The following AFG1L variants were observed in gnomAD, a reference collection of about 807,000 sequenced individuals.
AFG1L encodes AFG1 like ATPase, also known as AFG1-like ATPase.
Under a neutral mutation model 62.2 loss-of-function variants are expected in AFG1L, and 53 were observed. That is an observed-to-expected ratio of 0.85 (90% CI 0.68 to 1.07). AFG1L has a LOEUF of 1.07. AFG1L is among the 50% of genes least tolerant of loss of function. The pLI is 0.00. For synonymous variants in AFG1L, 228 were observed against 210.3 expected (o/e 1.08, Z -0.73); for missense variants, 555 against 590.5 (o/e 0.94, Z 0.62).
rs192521122 is a variant in AFG1L, at chr6:108,369,535, G to A, written c.748+3203G>A. Reference sequence around the variant, plus strand: ...GCTCAAAGTACTGTATTAAAAAAAGGTGGGAGGGGGAGAAGAAAATAAAGA... The same window carrying A: ...GCTCAAAGTACTGTATTAAAAAAAGATGGGAGGGGGAGAAGAAAATAAAGA... On this transcript the variant is annotated intron_variant, in intron 6 of 12. Coordinates refer to ENST00000368977, the MANE Select transcript of AFG1L (RefSeq NM_145315.5). 2.3e-3 allele frequency among the ~76,000 whole-genome samples: 346 copies of A among 152,230 alleles called. 3 individuals are homozygous for A. Among genetic ancestry groups the A allele is most frequent in the Non-Finnish European group, 3.9e-3 (263 of 68,016 alleles).
At chr6:108,485,642 ATATATATATATATATTTTTTTTTT>A (rs1773521720) in intron 10 of AFG1L, among the ~76,000 whole-genome samples, 1 of 17,796 alleles carries the variant, frequency 5.6e-5, no homozygotes, top group East Asian at 1.2e-3. Context: ...ATATATATAT[ATATATATATATATATTTTTTTTTT>A]TTTTTTTTTT....
chr6:108,358,172 T>G (rs1179947585), intron 5 of AFG1L, among the ~76,000 whole-genome samples: 2 of 152,238 alleles, frequency 1.3e-5, no homozygotes, highest in Non-Finnish European at 2.9e-5. Flanking sequence ...TATGCTGCTT[T>G]CAAGAACAAA....
intron 7 of AFG1L, among the ~76,000 whole-genome samples, chr6:108,435,448 G>A (rs1473001994): frequency 6.6e-6 from 1 of 152,204 alleles, no homozygotes; most frequent in African/African-American, 2.4e-5. Context: ...CACTTTGGGA[G>A]GCTGAAATGG....
At position 108,447,331 on chromosome 6, in the gene AFG1L, A is replaced by G. The variant is rs1437133426; in HGVS notation, c.890+35A>G. ...TCTAATTTTTAAAGTTTAATGTCTA[A>G]TCGTTAATCAGAAAAAGAACATAAA... On this transcript the variant is annotated intron_variant, in intron 8 of 12. Transcript: ENST00000368977. 21 of 1,176,238 alleles carry G rather than the reference A, an allele frequency of 1.8e-5. No homozygotes were observed. In the Admixed American group the frequency reaches 3.6e-4, roughly 20 times the overall value. 72.9% of individuals were successfully genotyped at this position (1,176,238 alleles called of 1,614,324 possible).
intron 6 of AFG1L, chr6:108,392,061 A>G (rs1182485560): frequency 6.6e-6 from 1 of 152,242 alleles, no homozygotes. Context: ...TAAGTATAAG[A>G]AAATGATTGC....
chr6:108,409,465 G>A (rs1782009317), intron 7 of AFG1L, among the ~76,000 whole-genome samples: 2 of 152,182 alleles, frequency 1.3e-5, no homozygotes, highest in Admixed American at 6.6e-5. Context: ...AGGAGCGGGG[G>A]GAGAGGCAGA....
chr6:108,513,736 G>A (rs1774761393), intron 11 of AFG1L, among the ~76,000 whole-genome samples: 2 of 152,208 alleles, frequency 1.3e-5, no homozygotes, highest in African/African-American at 4.8e-5. Context: ...AGACCTAAAT[G>A]TTCCTGTCTA....
intron 10 of AFG1L, among the ~76,000 whole-genome samples, chr6:108,477,699 T>C (rs1490010858): frequency 1.3e-5 from 2 of 152,206 alleles, no homozygotes; most frequent in African/African-American, 2.4e-5. Context: ...CTTGTACTGA[T>C]TGCCCATCTG....
At chr6:108,386,196 T>A (rs1384745622) in intron 6 of AFG1L, among the ~76,000 whole-genome samples, 5 of 152,150 alleles carry the variant, frequency 3.3e-5, no homozygotes, top group African/African-American at 9.7e-5. Context: ...GCATGGTGGC[T>A]TATGCCTGTA....
intron 6 of AFG1L, among the ~76,000 whole-genome samples, chr6:108,401,009 C>T (rs2114628610): frequency 6.6e-6 from 1 of 150,708 alleles, no homozygotes; most frequent in African/African-American, 2.4e-5. Flanking sequence ...TGCTCTGTCA[C>T]CCAGGCTGAA....
intron 1 of AFG1L, among the ~76,000 whole-genome samples, chr6:108,317,787 A>C (rs1274636777): frequency 6.6e-6 from 1 of 152,148 alleles, no homozygotes; most frequent in Non-Finnish European, 1.5e-5. Context: ...ATTCATCCTA[A>C]AGTTAGCTTG....
chr6:108,504,419 G>A (rs1774320246), intron 10 of AFG1L, among the ~76,000 whole-genome samples: 1 of 152,196 alleles, frequency 6.6e-6, no homozygotes, highest in African/African-American at 2.4e-5. Context: ...GGAACAGCCA[G>A]TGGTGGAGCA....
rs932504443 is a variant in AFG1L, at chr6:108,494,175, C to A, written c.1063-16037C>A. 6.6e-4 allele frequency among the ~76,000 whole-genome samples: 101 copies of A among 151,896 alleles called. 5 individuals are homozygous for A. The highest frequency in any genetic ancestry group is 1.5e-5 in the Non-Finnish European group (1 of 67,962). On this transcript the variant is annotated intron_variant, in intron 10 of 12. Coordinates refer to ENST00000368977, the MANE Select transcript of AFG1L (RefSeq NM_145315.5). Reference sequence around the variant, plus strand: ...TATGCCAATTGTTTCCATCCCCGCTCCCCCTGCTCCCCTGCCCCAGTGAGT... The same window carrying A: ...TATGCCAATTGTTTCCATCCCCGCTACCCCTGCTCCCCTGCCCCAGTGAGT...
chr6:108,326,723 G>A (rs1207488069), intron 2 of AFG1L, among the ~76,000 whole-genome samples: 2 of 152,198 alleles, frequency 1.3e-5, no homozygotes, highest in Non-Finnish European at 2.9e-5. Context: ...ACTTTGGGAA[G>A]CCGAGGTGGG....
At chr6:108,391,364 CATT>C (rs1030169800) in intron 6 of AFG1L, among the ~76,000 whole-genome samples, 12 of 152,186 alleles carry the variant, frequency 7.9e-5, no homozygotes, top group African/African-American at 2.9e-4. Context: ...TTTTGATTTG[CATT>C]TCCCTGATCA....
intron 10 of AFG1L, among the ~76,000 whole-genome samples, chr6:108,496,124 T>C (rs1372826310): frequency 6.6e-6 from 1 of 152,254 alleles, no homozygotes; most frequent in African/African-American, 2.4e-5. Context: ...AAGTGTATTA[T>C]GCTATGGTTT....
chr6:108,429,099 A>T (rs1770952349), intron 7 of AFG1L, among the ~76,000 whole-genome samples: 1 of 152,126 alleles, frequency 6.6e-6, no homozygotes, highest in Non-Finnish European at 1.5e-5. Context: ...AAGGTAAGGG[A>T]TAGGGATCCA....
At chr6:108,498,336 AC>A (rs1455709036) in intron 10 of AFG1L, among the ~76,000 whole-genome samples, 1 of 152,098 alleles carries the variant, frequency 6.6e-6, no homozygotes, top group Non-Finnish European at 1.5e-5. Context: ...TAATCAGATG[AC>A]CCCTCACCCC....
intron 6 of AFG1L, among the ~76,000 whole-genome samples, chr6:108,401,634 T>A (rs1303692742): frequency 1.3e-5 from 2 of 152,148 alleles, no homozygotes; most frequent in African/African-American, 4.8e-5. Flanking sequence ...GAATTTTTTT[T>A]ATAGTAGAAT....
Sources: allele counts gnomAD v4.1 joint callset (sites outside exome capture counted in the v4.1 genomes callset), GRCh38; gene constraint gnomAD v4.1.1; transcripts MANE v1.5; gene names NCBI Gene and HGNC (gene_info 2026-07-23, HGNC 2026-07-21).